Variants in CSMD1 observed in about 807,000 individuals in gnomAD.
CSMD1 encodes the protein CUB and Sushi multiple domains 1, also known as CUB and sushi domain-containing protein 1.
Under a neutral mutation model 417.5 loss-of-function variants are expected in CSMD1, and 213 were observed. The ratio of observed to expected loss-of-function variants is 0.51; its 90% CI spans 0.46 to 0.57. The LOEUF (loss-of-function observed/expected upper bound fraction) is 0.57, where lower values mean the gene tolerates loss of function less well. CSMD1 is among the 20% of genes least tolerant of loss of function. CSMD1 has a pLI of 0.00. For missense variants in CSMD1, 6,923 were observed against 4,529.7 expected (o/e 1.53, Z -15.17); for synonymous variants, 2,862 against 1,736.8 (o/e 1.65, Z -16.11).
At chr8:4,381,981 A>G (rs1803135536) in intron 3 of CSMD1, among the ~76,000 whole-genome samples, 1 of 152,080 alleles carries the variant, frequency 6.6e-6, no homozygotes, top group South Asian at 2.1e-4. Flanking sequence ...TCTGTGGTAA[A>G]ATGACCGGAC....
chr8:4,342,501 T>C (rs1350048284), intron 3 of CSMD1, among the ~76,000 whole-genome samples: 2 of 151,996 alleles, frequency 1.3e-5, no homozygotes, highest in Admixed American at 1.3e-4. Context: ...TCAGCCAGGG[T>C]AGGTTTCATT....
intron 23 of CSMD1, among the ~76,000 whole-genome samples, chr8:3,313,302 C>T (rs187882290): frequency 6.6e-6 from 1 of 152,122 alleles, no homozygotes; most frequent in Non-Finnish European, 1.5e-5. Context: ...TTCTGCACAG[C>T]AAAAGAAACC....
At chr8:4,196,960 C>G (rs1029466007) in intron 3 of CSMD1, among the ~76,000 whole-genome samples, 1 of 152,170 alleles carries the variant, frequency 6.6e-6, no homozygotes, top group Admixed American at 6.5e-5. Flanking sequence ...CAATTTTAGT[C>G]ATTTGAGCCT....
intron 10 of CSMD1, among the ~76,000 whole-genome samples, chr8:3,503,923 T>A (rs1796715070): frequency 6.8e-6 from 1 of 147,108 alleles, no homozygotes; most frequent in South Asian, 2.3e-4. Flanking sequence ...AACTTCCACA[T>A]GAGTGAGAAT....
At chr8:4,956,865 G>A (rs957645441) in intron 1 of CSMD1, among the ~76,000 whole-genome samples, 1 of 152,168 alleles carries the variant, frequency 6.6e-6, no homozygotes, top group African/African-American at 2.4e-5. Flanking sequence ...AACTCATGGT[G>A]TTCCCTCCAC....
At chr8:4,293,472 T>C (rs964189788) in intron 3 of CSMD1, among the ~76,000 whole-genome samples, 3 of 152,240 alleles carry the variant, frequency 2.0e-5, no homozygotes, top group Admixed American at 6.5e-5. Context: ...AATTATTATT[T>C]ATATATCTAG....
At chr8:4,921,376 TATC>T (rs1261835699) in intron 1 of CSMD1, among the ~76,000 whole-genome samples, 15 of 152,240 alleles carry the variant, frequency 9.9e-5, no homozygotes, top group Non-Finnish European at 1.8e-4. Flanking sequence ...TCTCAAAAAT[TATC>T]ATTATTTAAT....
intron 20 of CSMD1, among the ~76,000 whole-genome samples, chr8:3,364,677 G>A (rs966873448): frequency 1.1e-4 from 16 of 152,208 alleles, no homozygotes; most frequent in Admixed American, 9.2e-4. Context: ...TTTACCCCAT[G>A]GGGATATGGG....
At chr8:3,145,175 C>T (rs1042447958) in intron 40 of CSMD1, among the ~76,000 whole-genome samples, 22 of 151,996 alleles carry the variant, frequency 1.4e-4, no homozygotes, top group Non-Finnish European at 2.8e-4. Flanking sequence ...CCCAATCAGG[C>T]GGAATCAAGA....
intron 26 of CSMD1, among the ~76,000 whole-genome samples, chr8:3,276,818 C>T (rs1201598106): frequency 2.6e-5 from 4 of 152,068 alleles, no homozygotes; most frequent in Admixed American, 1.3e-4. Context: ...AAAATTTTCA[C>T]GCATATCTAA....
chr8:3,463,524 T>A (rs2117164256), intron 12 of CSMD1, among the ~76,000 whole-genome samples: 1 of 152,294 alleles, frequency 6.6e-6, no homozygotes, highest in African/African-American at 2.4e-5. Flanking sequence ...TCACTACTAT[T>A]CTGGCAGGCA....
At chr8:3,810,296 G>C (rs1800993789) in intron 5 of CSMD1, among the ~76,000 whole-genome samples, 1 of 152,096 alleles carries the variant, frequency 6.6e-6, no homozygotes, top group South Asian at 2.1e-4. Context: ...ACAGGACGAA[G>C]ACAAGACAAA....
At chr8:4,626,699 G>C (rs1456744703) in intron 2 of CSMD1, among the ~76,000 whole-genome samples, 1 of 152,026 alleles carries the variant, frequency 6.6e-6, no homozygotes, top group South Asian at 2.1e-4. Flanking sequence ...TTGCAAAGAC[G>C]TCTCCCCATC....
chr8:3,746,645 A>C (rs907491922), intron 6 of CSMD1, among the ~76,000 whole-genome samples: 21 of 152,126 alleles, frequency 1.4e-4, no homozygotes, highest in Non-Finnish European at 1.6e-4. Context: ...ATCTTTCTTA[A>C]ATTTATTCTC....
At chr8:3,234,754 G>A (rs959425550) in intron 26 of CSMD1, among the ~76,000 whole-genome samples, 4 of 152,166 alleles carry the variant, frequency 2.6e-5, no homozygotes, top group South Asian at 2.1e-4. Flanking sequence ...TTTTTCTAAC[G>A]TAGAACACTA....
chr8:4,182,398 G>A (rs1009558169), intron 3 of CSMD1, among the ~76,000 whole-genome samples: 1 of 152,038 alleles, frequency 6.6e-6, no homozygotes, highest in Non-Finnish European at 1.5e-5. Context: ...TTATTAGAGA[G>A]ATCAGTAAAT....
At chr8:4,455,061 T>C (rs1026292546) in intron 2 of CSMD1, among the ~76,000 whole-genome samples, 14 of 152,098 alleles carry the variant, frequency 9.2e-5, no homozygotes, top group Admixed American at 4.6e-4. Flanking sequence ...ATGTTTAGGC[T>C]GGGAAACTTC....
intron 50 of CSMD1, among the ~76,000 whole-genome samples, chr8:3,045,195 T>C (rs915474586): frequency 1.3e-5 from 2 of 152,206 alleles, no homozygotes; most frequent in African/African-American, 4.8e-5. Context: ...TTATAAACGT[T>C]ACATTTATTT....
intron 1 of CSMD1, among the ~76,000 whole-genome samples, chr8:4,816,553 A>T (rs1799220840): frequency 6.6e-6 from 1 of 152,056 alleles, no homozygotes; most frequent in South Asian, 2.1e-4. Flanking sequence ...TCTCATTTTC[A>T]TTCAACACAG....
Sources: gnomAD v4.1 joint callset for allele counts (sites outside exome capture counted in the v4.1 genomes callset) on GRCh38, gnomAD v4.1.1 for gene constraint, MANE v1.5 for transcripts, NCBI Gene and HGNC (gene_info 2026-07-23, HGNC 2026-07-21) for gene names.